KCNQ5: variants seen among roughly 807,000 people sequenced by gnomAD.
KCNQ5 encodes potassium voltage-gated channel subfamily Q member 5.
A neutral mutation model predicts 98.2 loss-of-function variants in KCNQ5; 30 were observed. The ratio of observed to expected loss-of-function variants is 0.31; its 90% CI spans 0.23 to 0.41. The LOEUF is 0.41. KCNQ5 is among the 10% of genes least tolerant of loss of function. The probability of loss-of-function intolerance (pLI) is 1.00; values close to 1 mark genes in which losing one functional copy is unlikely to be tolerated. For synonymous variants in KCNQ5, 458 were observed against 449.4 expected, an observed-to-expected ratio of 1.02 and a Z score of -0.24; for missense variants, 835 against 1,182.5, an observed-to-expected ratio of 0.71 and a Z score of 4.31.
chr6:72,932,588 G>A (rs1454286545), intron 1 of KCNQ5, among the ~76,000 whole-genome samples: 1 of 152,002 alleles, frequency 6.6e-6, no homozygotes, highest in East Asian at 1.9e-4. Context: ...GAGAGTAAGA[G>A]AAAGCTGTTA....
At chr6:72,749,272 A>G (rs1487557246) in intron 1 of KCNQ5, among the ~76,000 whole-genome samples, 1 of 152,098 alleles carries the variant, frequency 6.6e-6, no homozygotes, top group Non-Finnish European at 1.5e-5. Flanking sequence ...TAGAATACCA[A>G]TTTATCCAGC....
At chr6:72,920,492 C>G (rs1780344900) in intron 1 of KCNQ5, among the ~76,000 whole-genome samples, 1 of 152,168 alleles carries the variant, frequency 6.6e-6, no homozygotes, top group South Asian at 2.1e-4. Context: ...CATTTATACT[C>G]CCCATAGCTT....
chr6:73,171,633 G>A (rs926158115), intron 11 of KCNQ5, among the ~76,000 whole-genome samples: 2 of 152,162 alleles, frequency 1.3e-5, no homozygotes, highest in African/African-American at 2.4e-5. Context: ...TCAACTGTTC[G>A]ATAGCCACAG....
chr6:72,630,572 A>G (rs1435409745), intron 1 of KCNQ5: 4 of 152,212 alleles, frequency 2.6e-5, no homozygotes, highest in Non-Finnish European at 4.4e-5. Flanking sequence ...TTAATGATCA[A>G]CTTTACTTTT....
At chr6:72,873,184 C>T (rs546569219) in intron 1 of KCNQ5, among the ~76,000 whole-genome samples, 52 of 152,110 alleles carry the variant, frequency 3.4e-4, no homozygotes, top group African/African-American at 9.4e-4. Context: ...TTTCTAATCA[C>T]CTCTTCTCTC....
chr6:73,174,640 C>T (rs1778146785), intron 11 of KCNQ5, among the ~76,000 whole-genome samples: 1 of 152,170 alleles, frequency 6.6e-6, no homozygotes, highest in African/African-American at 2.4e-5. Context: ...ATCCCCTCCT[C>T]CCACCCTCCC....
At chr6:72,939,426 G>C (rs1203586637) in intron 1 of KCNQ5, among the ~76,000 whole-genome samples, 1 of 152,190 alleles carries the variant, frequency 6.6e-6, no homozygotes, top group Non-Finnish European at 1.5e-5. Flanking sequence ...CTCTGGGTTT[G>C]AAATTGGATT....
At chr6:72,857,680 G>GT (rs1777590036) in intron 1 of KCNQ5, among the ~76,000 whole-genome samples, 1 of 152,128 alleles carries the variant, frequency 6.6e-6, no homozygotes, top group East Asian at 1.9e-4. Context: ...TGGCAGCTTT[G>GT]TTGACCCAGT....
intron 2 of KCNQ5, among the ~76,000 whole-genome samples, chr6:73,008,338 A>G (rs1769908702): frequency 6.6e-6 from 1 of 152,170 alleles, no homozygotes; most frequent in Non-Finnish European, 1.5e-5. Context: ...AAAATACATC[A>G]TTCAACTGTG....
At chr6:73,045,610 C>T (rs1771926892) in intron 3 of KCNQ5, among the ~76,000 whole-genome samples, 1 of 152,212 alleles carries the variant, frequency 6.6e-6, no homozygotes, top group South Asian at 2.1e-4. Context: ...CACCCAATAA[C>T]ATCGGCATAA....
intron 6 of KCNQ5, among the ~76,000 whole-genome samples, chr6:73,105,664 C>T (rs1035570981): frequency 6.6e-6 from 1 of 152,090 alleles, no homozygotes; most frequent in Non-Finnish European, 1.5e-5. Flanking sequence ...AAAATATTTG[C>T]AAAGATTTAA....
At chr6:72,767,814 T>C (rs139094544) in intron 1 of KCNQ5, among the ~76,000 whole-genome samples, 2 of 152,022 alleles carry the variant, frequency 1.3e-5, no homozygotes, top group Non-Finnish European at 2.9e-5. Flanking sequence ...AGGATGGCTA[T>C]AGTAAAAAAG....
intron 1 of KCNQ5, among the ~76,000 whole-genome samples, chr6:72,821,006 C>T (rs914589686): frequency 2.6e-5 from 4 of 152,088 alleles, no homozygotes; most frequent in African/African-American, 9.7e-5. Flanking sequence ...CATGTTGTGA[C>T]ATGGATGCAA....
In KCNQ5 at chr6:72,798,976, T is replaced by C. The variant is rs933298797; in HGVS notation, c.398+176389T>C. 2.0e-5 allele frequency among the ~76,000 whole-genome samples: 3 copies of C among 152,056 alleles called. No individual in the cohort carries two copies. In the East Asian group the frequency reaches 5.8e-4, roughly 29 times the overall value. On this transcript the variant is annotated intron_variant, in intron 1 of 13. Coordinates refer to ENST00000370398, the MANE Select transcript of KCNQ5 (RefSeq NM_019842.4). ...CATATATAAGACATATAATTATGTG[T>C]GGGATATGTTTTTAAATTTACAAAC...
intron 10 of KCNQ5, among the ~76,000 whole-genome samples, chr6:73,151,950 C>T (rs72951081): frequency 2.6e-5 from 4 of 152,146 alleles, no homozygotes; most frequent in East Asian, 1.9e-4. Context: ...CTAGTCCTAT[C>T]TGGACCAATT....
chr6:72,736,084 T>TACACACAC (rs59201837), intron 1 of KCNQ5, among the ~76,000 whole-genome samples: 17 of 148,526 alleles, frequency 1.1e-4, no homozygotes, highest in African/African-American at 4.2e-4. Flanking sequence ...TGTGTACACA[T>TACACACAC]ACACACACAC....
At chr6:72,712,181 G>A (rs933534833) in intron 1 of KCNQ5, among the ~76,000 whole-genome samples, 1 of 152,156 alleles carries the variant, frequency 6.6e-6, no homozygotes, top group African/African-American at 2.4e-5. Context: ...CTAGGAAAGA[G>A]TTTGACATAA....
At chr6:73,080,973 AG>A (rs1773740451) in intron 5 of KCNQ5, among the ~76,000 whole-genome samples, 5 of 152,236 alleles carry the variant, frequency 3.3e-5, no homozygotes, top group Non-Finnish European at 5.9e-5. Context: ...AGCAATACCT[AG>A]TTCATTGAGT....
chr6:72,911,554 G>A (rs756829723), intron 1 of KCNQ5, among the ~76,000 whole-genome samples: 10 of 152,062 alleles, frequency 6.6e-5, no homozygotes, highest in Non-Finnish European at 1.2e-4. Context: ...AGTGGGAAGG[G>A]GCTGAGTAGT....
Sources: gnomAD v4.1 joint callset for allele counts (sites outside exome capture counted in the v4.1 genomes callset) on GRCh38, gnomAD v4.1.1 for gene constraint, MANE v1.5 for transcripts, NCBI Gene and HGNC (gene_info 2026-07-23, HGNC 2026-07-21) for gene names.